MIA3: variants seen among roughly 807,000 people sequenced by gnomAD.
MIA3 encodes the protein transport and Golgi organization protein 1 homolog.
MIA3 carries 90 observed loss-of-function variants against 192.4 expected under a neutral mutation model. The ratio of observed to expected loss-of-function variants is 0.47; its 90% CI spans 0.39 to 0.56. MIA3 has a LOEUF of 0.56. Ranked by LOEUF, MIA3 falls within the 20% of genes least tolerant of loss-of-function variation. The probability of loss-of-function intolerance (pLI) is 0.00; values close to 1 mark genes in which losing one functional copy is unlikely to be tolerated. For synonymous variants in MIA3, 740 were observed against 792.8 expected, an observed-to-expected ratio of 0.93 and a Z score of 1.12; for missense variants, 2,123 against 2,269.4, an observed-to-expected ratio of 0.94 and a Z score of 1.31.
At position 222,628,332 on chromosome 1, in the gene MIA3, G is replaced by C. The variant is rs751823654; in HGVS notation, c.1112G>C (p.Gly371Ala). ...AAGGTTCAGCTAACTGTGCCCCCTG[G>C]CATCAAAAATGATGATAAAAATATA... ...EDKVQLTVPP[G>A]IKNDDKNILT... The change falls in exon 4 of 28, where the codon GGC (glycine) becomes GCC (alanine). Residue 371 changes from glycine (G) to alanine (A), a missense_variant. Around this residue, in one of 3 missense-constraint regions of MIA3, gnomAD observed 1,357 missense variants for 1,396.1 expected, o/e 0.97. Transcript: ENST00000344922. The C allele has an allele frequency of 6.2e-7, 1 of 1,613,494 alleles. No individual in the cohort carries two copies. Among genetic ancestry groups the C allele is most frequent in the Admixed American group, 1.7e-5 (1 of 59,896 alleles).
rs187851387 is a variant in MIA3, at chr1:222,648,955, C to T, written c.3631+105C>T. ...TTAGTAACTTCTGATGTCTGACTGACTTATAGCTTCTGAAAACTTTACTGT... is the reference window on the plus strand; with the variant it reads ...TTAGTAACTTCTGATGTCTGACTGATTTATAGCTTCTGAAAACTTTACTGT... On this transcript the variant is annotated intron_variant, in intron 8 of 27. Coordinates refer to ENST00000344922, the MANE Select transcript of MIA3 (RefSeq NM_198551.4). 56 of 730,342 alleles carry T rather than the reference C, an allele frequency of 7.7e-5. 1 individual carries two copies. The Admixed American group carries it at 1.5e-3, about 20-fold the overall frequency. 45.2% of individuals were successfully genotyped at this position (730,342 alleles called of 1,614,324 possible).
Position 222,628,132 on chromosome 1 carries a change from T to C in MIA3, c.912T>C (p.Asp304=), listed in dbSNP as rs538572493. The C allele has an allele frequency of 3.5e-5, 56 of 1,613,916 alleles. No homozygotes were observed. The highest frequency in any genetic ancestry group is 3.0e-4 in the Admixed American group (18 of 60,010). Residue 304 remains aspartate, a synonymous_variant, in exon 4 of 28, where the codon GAT becomes GAC. Transcript: ENST00000344922. ...RLVTSLEDDF[D]EELDTEYYAV... ...TTACTTCATTAGAAGATGATTTTGATGAGGAATTGGATACTGAGTATTATG... is the reference window on the plus strand; with the variant it reads ...TTACTTCATTAGAAGATGATTTTGACGAGGAATTGGATACTGAGTATTATG...
chr1:222,665,425 C>A lies in MIA3; in HGVS notation c.5530C>A (p.Pro1844Thr), dbSNP rs2124938570. 2 of 1,613,990 alleles carry A rather than the reference C, an allele frequency of 1.2e-6. No individual in the cohort carries two copies. Among genetic ancestry groups the A allele is most frequent in the Non-Finnish European group, 1.7e-6 (2 of 1,179,992 alleles). The stretch of plus-strand genomic sequence containing the variant: ...TTTACCTGGACACGCACCATTTAGA[C>A]CTTTAGGTTCACTTGGCCCAAGAGA... The part of the protein sequence containing the change: ...GFLPGHAPFR[P>T]LGSLGPREYF... The change falls in exon 28 of 28, where the codon CCT becomes ACT. Residue 1844 changes from proline (P) to threonine (T), a missense_variant. Pro to Thr is a conservative substitution (Grantham distance 38). Around this residue, in one of 3 missense-constraint regions of MIA3, gnomAD observed 762 missense variants for 856.4 expected, o/e 0.89. Coordinates refer to ENST00000344922, the MANE Select transcript of MIA3 (RefSeq NM_198551.4).
chr1:222,651,148 A>G (rs1169059335), intron 11 of MIA3, among the ~76,000 whole-genome samples: 3 of 151,796 alleles, frequency 2.0e-5, no homozygotes, highest in Non-Finnish European at 4.4e-5. Flanking sequence ...CTGCCCTCCG[A>G]AACATGTGGA....
At chr1:222,644,343 C>A (rs1273446542) in intron 6 of MIA3, 5 of 1,479,898 alleles carry the variant, frequency 3.4e-6, no homozygotes, top group Non-Finnish European at 1.8e-6. Flanking sequence ...GTGCAGGCAG[C>A]TGTGGAAGGC....
rs564155358 is a variant in MIA3, at chr1:222,660,089, T to A, written c.4975+83T>A. The A allele has an allele frequency of 1.9e-5, 30 of 1,587,320 alleles. No individual in the cohort carries two copies. In the East Asian group the frequency reaches 6.5e-4, roughly 34 times the overall value. On this transcript the variant is annotated intron_variant, in intron 23 of 27. Transcript: ENST00000344922. ...AGTGACTTTTTGTTTCTGTGTGTAATGGTTATGGTACCCTAGGAATAATCC... is the reference window on the plus strand; with the variant it reads ...AGTGACTTTTTGTTTCTGTGTGTAAAGGTTATGGTACCCTAGGAATAATCC...
At chr1:222,660,613 G>T in intron 24 of MIA3, 1 of 207,874 alleles carries the variant, frequency 4.8e-6, no homozygotes, top group Admixed American at 5.6e-5. Context: ...GCTGACCCTT[G>T]AACAACACAA....
At chr1:222,655,470 T>C (rs1663670687) in intron 18 of MIA3, among the ~76,000 whole-genome samples, 1 of 152,254 alleles carries the variant, frequency 6.6e-6, no homozygotes, top group Non-Finnish European at 1.5e-5. Flanking sequence ...TTGTGTTTGC[T>C]CTTATGTTTT....
chr1:222,622,825 C>T (rs567056441), intron 2 of MIA3, among the ~76,000 whole-genome samples: 7 of 152,280 alleles, frequency 4.6e-5, no homozygotes, highest in African/African-American at 1.7e-4. Context: ...TTCACGTCTT[C>T]ATCTCTGGAT....
In MIA3 at chr1:222,618,136, T is replaced by C; in HGVS notation, c.26T>C (p.Val9Ala). 2 of 1,488,874 alleles carry C rather than the reference T, an allele frequency of 1.3e-6. No homozygotes were observed. The highest frequency in any genetic ancestry group is 1.8e-6 in the Non-Finnish European group (2 of 1,120,300). 92.2% of individuals were successfully genotyped at this position (1,488,874 alleles called of 1,614,324 possible). A position where few individuals can be genotyped will look rare whatever the true frequency, so the allele number is the denominator to read the frequency against. ...ATGGCTGCGGCGCCTGGGCTGCTCGTCTGGCTGCTCGTGCTCCGGCTGCCC... is the reference window on the plus strand; with the variant it reads ...ATGGCTGCGGCGCCTGGGCTGCTCGCCTGGCTGCTCGTGCTCCGGCTGCCC... MAAAPGLL[V>A]WLLVLRLPWR... The change falls in exon 1 of 28, where the codon GTC (valine) becomes GCC (alanine). Residue 9 changes from valine (V) to alanine (A), a missense_variant. Transcript: ENST00000344922.
chr1:222,648,694 T>C lies in MIA3; in HGVS notation c.3610-135T>C, dbSNP rs548460587. The C allele has an allele frequency of 1.3e-5, 8 of 628,576 alleles. No individual in the cohort carries two copies. In the East Asian group the frequency reaches 2.4e-4, roughly 18 times the overall value. 38.9% of individuals were successfully genotyped at this position (628,576 alleles called of 1,614,324 possible). On this transcript the variant is annotated intron_variant, in intron 7 of 27. Coordinates refer to ENST00000344922, the MANE Select transcript of MIA3 (RefSeq NM_198551.4). ...TTTAACCTTTTTAAGTTTTTTCATCTTGAGGATTCATTATGCTAAACCAAA... is the reference window on the plus strand; with the variant it reads ...TTTAACCTTTTTAAGTTTTTTCATCCTGAGGATTCATTATGCTAAACCAAA...
At chr1:222,650,224 C>A in intron 8 of MIA3, 68 bp from the exon 9 acceptor site, 1 of 863,152 alleles carries the variant, frequency 1.2e-6, no homozygotes, top group Non-Finnish European at 1.9e-6. Flanking sequence ...GTCTTTGCTG[C>A]TGATACATTG....
In MIA3 at chr1:222,667,625, A is replaced by G. The variant is rs569415669; in HGVS notation, c.*2006A>G. 3 of 152,338 alleles carry G rather than the reference A, an allele frequency of 2.0e-5. No individual in the cohort carries two copies. The highest frequency in any genetic ancestry group is 4.4e-5 in the Non-Finnish European group (3 of 68,034). The allele number at this position is 152,338 out of a possible 1,614,324, so 9.4% of individuals were successfully genotyped here. A position where few individuals can be genotyped will look rare whatever the true frequency, so the allele number is the denominator to read the frequency against. On this transcript the variant is annotated 3_prime_UTR_variant, in exon 28 of 28. Transcript: ENST00000344922. ...TCTCTGAGAAGTTGTGAGCCAGTCC[A>G]TAACTGCTTCCTCACATCCATCTGA...
chr1:222,664,040 CCT>C lies in MIA3; in HGVS notation c.5309_5310del (p.Leu1770HisfsTer73). On this transcript the variant is annotated frameshift_variant, in exon 27 of 28. Coordinates refer to ENST00000344922, the MANE Select transcript of MIA3 (RefSeq NM_198551.4). LOFTEE classifies it high-confidence loss of function. ...AGGGCCCCCTCCTTTCCCAGGAGTCCCTCTCATGAGCACCCCCATGGGAGGCC... is the reference window on the plus strand; with the variant it reads ...AGGGCCCCCTCCTTTCCCAGGAGTCCCTCATGAGCACCCCCATGGGAGGCC... The part of the protein sequence containing the change: ...PKGPPPFPGV[P>X]LMSTPMGGPV... 6.2e-7 allele frequency: 1 copy of C among 1,614,112 alleles called. No individual in the cohort carries two copies. The highest frequency in any genetic ancestry group is 8.5e-7 in the Non-Finnish European group (1 of 1,179,982).
chr1:222,632,996 T>C lies in MIA3; in HGVS notation c.3332-108T>C, dbSNP rs1429239936. On this transcript the variant is annotated intron_variant, in intron 5 of 27. Coordinates refer to ENST00000344922, the MANE Select transcript of MIA3 (RefSeq NM_198551.4). ...AACATCCAGTGAGAGATGAGAACGTTTACTTTCCAGGCACAGTGCCTAATA... is the reference window on the plus strand; with the variant it reads ...AACATCCAGTGAGAGATGAGAACGTCTACTTTCCAGGCACAGTGCCTAATA... The C allele has an allele frequency of 1.0e-5, 12 of 1,159,764 alleles. No homozygotes were observed. The African/African-American group carries it at 1.7e-4, about 16-fold the overall frequency. The allele number at this position is 1,159,764 out of a possible 1,614,324, so 71.8% of individuals were successfully genotyped here.
chr1:222,618,262 C>G lies in MIA3; in HGVS notation c.133+19C>G. The stretch of plus-strand genomic sequence containing the variant: ...TGCAGCAGTGAGTGCGCTGGAGGGG[C>G]GGCTGGCCTCGGGGCGGCTGGCCTT... On this transcript the variant is annotated intron_variant, in intron 1 of 27. Transcript: ENST00000344922. 7.2e-7 allele frequency: 1 copy of G among 1,382,918 alleles called. No homozygotes were observed. Among genetic ancestry groups the G allele is most frequent in the Non-Finnish European group, 9.6e-7 (1 of 1,044,032 alleles). 85.7% of individuals were successfully genotyped at this position (1,382,918 alleles called of 1,614,324 possible). A position where few individuals can be genotyped will look rare whatever the true frequency, so the allele number is the denominator to read the frequency against.
chr1:222,659,562 C>T, intron 20 of MIA3, 49 bp downstream of exon 20: 1 of 1,609,564 alleles, frequency 6.2e-7, no homozygotes, highest in East Asian at 2.2e-5. Flanking sequence ...TCTTTGATAA[C>T]TAATAGAGGC....
intron 6 of MIA3, among the ~76,000 whole-genome samples, chr1:222,643,257 T>C (rs1662943025): frequency 6.6e-6 from 1 of 152,232 alleles, no homozygotes; most frequent in Non-Finnish European, 1.5e-5. Context: ...TTCCATATTG[T>C]TATCTAGATA....
At chr1:222,619,964 A>G (rs979920967) in intron 1 of MIA3, among the ~76,000 whole-genome samples, 4 of 152,158 alleles carry the variant, frequency 2.6e-5, no homozygotes, top group African/African-American at 9.7e-5. Context: ...TCTATGATCT[A>G]TTGTAAGGGG....
Sources: gnomAD v4.1 joint callset for allele counts (sites outside exome capture counted in the v4.1 genomes callset) on GRCh38, gnomAD v4.1.1 for gene constraint, gnomAD v4.1.1 regional missense constraint, MANE v1.5 for transcripts, NCBI Gene and HGNC (gene_info 2026-07-23, HGNC 2026-07-21) for gene names.